Variants in NT5DC1 observed in about 807,000 individuals in gnomAD.
NT5DC1 encodes the protein 5'-nucleotidase domain-containing protein 1.
A neutral mutation model predicts 59.4 loss-of-function variants in NT5DC1; 42 were observed. That is an observed-to-expected ratio of 0.71 (90% CI 0.55 to 0.92). The LOEUF (loss-of-function observed/expected upper bound fraction) is 0.92. Ranked by LOEUF, NT5DC1 falls within the 40% of genes least tolerant of loss-of-function variation. NT5DC1 has a pLI of 0.00. For synonymous variants in NT5DC1, 172 were observed against 188.1 expected, an observed-to-expected ratio of 0.91 and a Z score of 0.70; for missense variants, 501 against 537.1, an observed-to-expected ratio of 0.93 and a Z score of 0.66.
intron 6 of NT5DC1, among the ~76,000 whole-genome samples, chr6:116,182,722 T>C (rs1275258087): frequency 6.6e-6 from 1 of 151,930 alleles, no homozygotes; most frequent in Non-Finnish European, 1.5e-5. Flanking sequence ...AGCCCACTTT[T>C]TGATGTGATT....
chr6:116,115,643 G>T, intron 4 of NT5DC1, 48 bp from the exon 5 acceptor site: 1 of 880,480 alleles, frequency 1.1e-6, no homozygotes, highest in Non-Finnish European at 1.9e-6. Flanking sequence ...TATTTCACAT[G>T]CATGCAGCAT....
chr6:116,205,704 A>T (rs1028606337), intron 6 of NT5DC1, among the ~76,000 whole-genome samples: 1 of 152,020 alleles, frequency 6.6e-6, no homozygotes, highest in African/African-American at 2.4e-5. Context: ...AAAAGGGTAC[A>T]TTTTAAATTT....
chr6:116,121,790 C>G lies in NT5DC1; in HGVS notation c.529+3845C>G, dbSNP rs375314504. On this transcript the variant is annotated intron_variant, in intron 6 of 11. Coordinates refer to ENST00000319550, the MANE Select transcript of NT5DC1 (RefSeq NM_152729.3). ...TGGTTTTCCTGGGAGTCCTGGCACACCTGGTTTCCCTACAGCTGATGGTCC... is the reference window on the plus strand; with the variant it reads ...TGGTTTTCCTGGGAGTCCTGGCACAGCTGGTTTCCCTACAGCTGATGGTCC... The G allele has an allele frequency of 1.6e-5, 26 of 1,613,786 alleles. No individual in the cohort carries two copies. In the African/African-American group the frequency reaches 2.8e-4, roughly 17 times the overall value.
At chr6:116,126,955 T>TA (rs1325906533) in intron 6 of NT5DC1, among the ~76,000 whole-genome samples, 1 of 152,206 alleles carries the variant, frequency 6.6e-6, no homozygotes, top group Non-Finnish European at 1.5e-5. Flanking sequence ...TTTTGGTAGT[T>TA]AGACTCTGTT....
At chr6:116,205,294 G>C (rs1027833762) in intron 6 of NT5DC1, among the ~76,000 whole-genome samples, 2 of 151,840 alleles carry the variant, frequency 1.3e-5, no homozygotes, top group African/African-American at 4.8e-5. Flanking sequence ...AATGATACTA[G>C]GGACCAGAAA....
intron 6 of NT5DC1, among the ~76,000 whole-genome samples, chr6:116,188,705 A>G (rs1227441321): frequency 1.8e-5 from 2 of 111,980 alleles, no homozygotes; most frequent in African/African-American, 4.3e-5. Flanking sequence ...GAAATTTTCT[A>G]CTTTTTTTTT....
chr6:116,210,112 A>G (rs942436748), intron 6 of NT5DC1, among the ~76,000 whole-genome samples: 2 of 151,616 alleles, frequency 1.3e-5, no homozygotes, highest in African/African-American at 4.8e-5. Flanking sequence ...AATTCTAGAT[A>G]TAATTAGAAT....
At position 116,221,051 on chromosome 6, in the gene NT5DC1, C is replaced by T; in HGVS notation, c.530-3C>T. 1 of 1,364,674 alleles carries T rather than the reference C, an allele frequency of 7.3e-7. No homozygotes were observed. Among genetic ancestry groups the T allele is most frequent in the Non-Finnish European group, 1.0e-6 (1 of 978,796 alleles). The allele number at this position is 1,364,674 out of a possible 1,614,324, so 84.5% of individuals were successfully genotyped here. A position where few individuals can be genotyped will look rare whatever the true frequency, so the allele number is the denominator to read the frequency against. On this transcript the variant is annotated splice_polypyrimidine_tract_variant and splice_region_variant and intron_variant, in intron 6 of 11. Coordinates refer to ENST00000319550, the MANE Select transcript of NT5DC1 (RefSeq NM_152729.3). ...AAACCTCATTGATATTTTTATTTTT[C>T]AGAAAACTGTGGAATATATTTTCCA... is the stretch of plus-strand genomic sequence containing the variant.
intron 3 of NT5DC1, among the ~76,000 whole-genome samples, chr6:116,110,297 A>G (rs1778847936): frequency 6.6e-6 from 1 of 152,108 alleles, no homozygotes; most frequent in African/African-American, 2.4e-5. Context: ...GTTTTTCCAC[A>G]TTTCTCTTCG....
chr6:116,225,097 A>G (rs1013600811), intron 8 of NT5DC1, among the ~76,000 whole-genome samples: 3 of 152,218 alleles, frequency 2.0e-5, no homozygotes, highest in African/African-American at 7.2e-5. Context: ...TCCTCAAATG[A>G]GCAAGTGAGT....
intron 6 of NT5DC1, among the ~76,000 whole-genome samples, chr6:116,186,701 T>G (rs1781008042): frequency 6.6e-6 from 1 of 152,128 alleles, no homozygotes; most frequent in Admixed American, 6.6e-5. Context: ...TGCATTTCTC[T>G]AAGTGTGTCC....
chr6:116,135,895 AAATGGTTACCAC>A (rs1432915219), intron 6 of NT5DC1, among the ~76,000 whole-genome samples: 1 of 146,988 alleles, frequency 6.8e-6, no homozygotes, highest in Non-Finnish European at 1.5e-5. Flanking sequence ...ACACATTGCT[AAATGGTTACCAC>A]AATCAAGCTA....
In NT5DC1 at chr6:116,249,085, A is replaced by T. The variant is rs1771898364; in HGVS notation, c.*5061A>T. Reference sequence around the variant, plus strand: ...TGAAACAGGTGGCTGACAATGCAGAAATCAATCACTGAACTGAAAAGGTAA... The same window carrying T: ...TGAAACAGGTGGCTGACAATGCAGATATCAATCACTGAACTGAAAAGGTAA... On this transcript the variant is annotated 3_prime_UTR_variant, in exon 12 of 12. Coordinates refer to ENST00000319550, the MANE Select transcript of NT5DC1 (RefSeq NM_152729.3). The T allele has an allele frequency of 2.6e-5, 4 of 152,270 alleles. No individual in the cohort carries two copies. Among genetic ancestry groups the T allele is most frequent in the Admixed American group, 2.6e-4 (4 of 15,292 alleles). The allele number at this position is 152,270 out of a possible 1,614,324, so 9.4% of individuals were successfully genotyped here.
intron 6 of NT5DC1, among the ~76,000 whole-genome samples, chr6:116,164,637 G>A (rs964852454): frequency 6.6e-6 from 1 of 152,140 alleles, no homozygotes; most frequent in Admixed American, 6.5e-5. Context: ...TTGCTTTGTA[G>A]CCTCAATTAT....
chr6:116,160,863 A>G (rs915637203), intron 6 of NT5DC1, among the ~76,000 whole-genome samples: 1 of 152,120 alleles, frequency 6.6e-6, no homozygotes, highest in African/African-American at 2.4e-5. Context: ...AGGACTATAA[A>G]TCATGCTGCT....
rs117024361 is a variant in NT5DC1 at position 116,124,887 on chromosome 6, G to T, written c.529+6942G>T. ...CCATCAGATTTTTTTGATAAGACTCGGTTTTATATCTGTTTGTGGGCTAGT... is the reference window on the plus strand; with the variant it reads ...CCATCAGATTTTTTTGATAAGACTCTGTTTTATATCTGTTTGTGGGCTAGT... On this transcript the variant is annotated intron_variant, in intron 6 of 11. Transcript: ENST00000319550. Among the ~76,000 whole-genome samples the T allele has an allele frequency of 2.9e-3, 441 of 152,160 alleles. 2 individuals are homozygous for T. The highest frequency in any genetic ancestry group is 4.7e-3 in the Non-Finnish European group (317 of 67,986).
intron 6 of NT5DC1, among the ~76,000 whole-genome samples, chr6:116,139,049 T>G (rs546611765): frequency 6.6e-6 from 1 of 152,258 alleles, no homozygotes; most frequent in South Asian, 2.1e-4. Context: ...AGAAAATGAC[T>G]GATAAAATAG....
At chr6:116,240,117 G>T (rs1362738464) in intron 11 of NT5DC1, among the ~76,000 whole-genome samples, 3 of 152,114 alleles carry the variant, frequency 2.0e-5, no homozygotes, top group African/African-American at 7.2e-5. Context: ...CAGAAGAGAG[G>T]CTGAGACATA....
At chr6:116,129,601 A>G (rs550173452) in intron 6 of NT5DC1, among the ~76,000 whole-genome samples, 1 of 152,304 alleles carries the variant, frequency 6.6e-6, no homozygotes, top group South Asian at 2.1e-4. Flanking sequence ...ATACTACAGC[A>G]TGAACGCTCT....
Sources: allele counts gnomAD v4.1 joint callset (sites outside exome capture counted in the v4.1 genomes callset), GRCh38; gene constraint gnomAD v4.1.1; transcripts MANE v1.5; gene names NCBI Gene and HGNC (gene_info 2026-07-23, HGNC 2026-07-21).